FDFT1: variants seen among roughly 807,000 people sequenced by gnomAD.
FDFT1 encodes the protein squalene synthase.
FDFT1 carries 68 observed loss-of-function variants against 46.8 expected under a neutral mutation model. The observed-to-expected ratio is 1.45, with a 90% CI of 1.19 to 1.78. The LOEUF is 1.78. Ranked by LOEUF, FDFT1 falls within the 40% of genes most tolerant of loss-of-function variation. The pLI, the probability that FDFT1 is intolerant of heterozygous loss-of-function variation, is 0.00. For synonymous variants in FDFT1, 351 were observed against 185.1 expected (o/e 1.90, Z -7.28); for missense variants, 928 against 524.4 (o/e 1.77, Z -7.52).
At chr8:11,809,310 A>T in intron 2 of FDFT1, 1 of 1,093,396 alleles carries the variant, frequency 9.1e-7, no homozygotes, top group Non-Finnish European at 1.1e-6. Flanking sequence ...TCGTATTTAT[A>T]CTGAGAAGTT....
At chr8:11,809,031 C>T (rs1228006707) in intron 2 of FDFT1, 140 bp downstream of exon 2, 5 of 1,377,628 alleles carry the variant, frequency 3.6e-6, no homozygotes, top group African/African-American at 2.9e-5. Flanking sequence ...CCCGGCCCTA[C>T]GTGTTTACTT....
chr8:11,833,707 G>A (rs1217539686), intron 7 of FDFT1, among the ~76,000 whole-genome samples: 2 of 152,156 alleles, frequency 1.3e-5, no homozygotes, highest in African/African-American at 4.8e-5. Flanking sequence ...TGTCTTCTGT[G>A]GCTGCTTTTG....
rs943539994 is a variant in FDFT1, at chr8:11,796,110, T to A, written c.-94+99T>A. On this transcript the variant is annotated intron_variant, in intron 1 of 7. Transcript: ENST00000538689. Reference sequence around the variant, plus strand: ...AGATTTTCACAGTGGCTTTAGACATTTCATAAATATTTCTTAAATGCCTCC... The same window carrying A: ...AGATTTTCACAGTGGCTTTAGACATATCATAAATATTTCTTAAATGCCTCC... 2.0e-5 allele frequency: 3 copies of A among 152,034 alleles called. No homozygotes were observed. The South Asian group carries it at 6.2e-4, about 31-fold the overall frequency. 9.4% of individuals were successfully genotyped at this position (152,034 alleles called of 1,614,324 possible).
intron 4 of FDFT1, among the ~76,000 whole-genome samples, chr8:11,824,454 A>G (rs186132356): frequency 1.3e-5 from 2 of 152,230 alleles, no homozygotes; most frequent in Admixed American, 1.3e-4. Flanking sequence ...CCTGACACTT[A>G]AGTCATACTA....
chr8:11,833,561 G>T (rs1474091828), intron 7 of FDFT1, among the ~76,000 whole-genome samples: 3 of 152,090 alleles, frequency 2.0e-5, no homozygotes, highest in South Asian at 2.1e-4. Context: ...GATTTATTTG[G>T]TTTTTCCTTA....
At chr8:11,833,838 T>C (rs1473025834) in intron 7 of FDFT1, among the ~76,000 whole-genome samples, 4 of 152,264 alleles carry the variant, frequency 2.6e-5, no homozygotes, top group Non-Finnish European at 5.9e-5. Context: ...TGTTCTGTTA[T>C]CCCAGTAAAA....
chr8:11,805,925 A>T (rs886604278), intron 1 of FDFT1, among the ~76,000 whole-genome samples: 7 of 152,212 alleles, frequency 4.6e-5, no homozygotes, highest in African/African-American at 1.7e-4. Context: ...ATCACAGGTG[A>T]TGTCCGCATT....
intron 3 of FDFT1, among the ~76,000 whole-genome samples, chr8:11,813,923 G>A (rs934977410): frequency 6.6e-6 from 1 of 152,172 alleles, no homozygotes; most frequent in Non-Finnish European, 1.5e-5. Context: ...TGGGTTTCTG[G>A]GGAAAACGTG....
At chr8:11,821,941 G>A in intron 4 of FDFT1, 63 bp downstream of exon 4, 1 of 1,575,964 alleles carries the variant, frequency 6.3e-7, no homozygotes, top group South Asian at 1.1e-5. Context: ...TCCTCATAGT[G>A]AAGCTCAGAA....
At chr8:11,822,444 C>G (rs1247989883) in intron 4 of FDFT1, among the ~76,000 whole-genome samples, 1 of 152,180 alleles carries the variant, frequency 6.6e-6, no homozygotes, top group Non-Finnish European at 1.5e-5. Context: ...AACTTGACAG[C>G]AGTTATCTTT....
At chr8:11,801,220 A>C (rs1302526886), upstream of FDFT1, among the ~76,000 whole-genome samples, 1 of 152,152 alleles carries the variant, frequency 6.6e-6, no homozygotes, top group Non-Finnish European at 1.5e-5. Context: ...CCAGAGAGGT[A>C]ATCTGGGTGG....
rs374031686 is a variant in FDFT1 at position 11,809,735 on chromosome 8, G to C, written c.266G>C (p.Ser89Thr). The change falls in exon 3 of 8, where the codon AGT becomes ACT. Residue 89 changes from serine (S) to threonine (T), a missense_variant. Transcript: ENST00000220584. Reference protein sequence around the residue: ...LDTLEDDMTISVEKKVPLLHN... With the variant: ...LDTLEDDMTITVEKKVPLLHN... ...ACACTGGAAGATGACATGACCATCA[G>C]TGTGGAAAAGAAGGTCCCGCTGTTA... 9.9e-6 allele frequency: 16 copies of C among 1,614,024 alleles called. No homozygotes were observed. In the East Asian group the frequency reaches 1.6e-4, roughly 16 times the overall value.
chr8:11,809,615 A>G, intron 2 of FDFT1, 52 bp from the exon 3 acceptor site: 1 of 1,510,026 alleles, frequency 6.6e-7, no homozygotes, highest in Non-Finnish European at 8.9e-7. Context: ...TTTAAAATAA[A>G]AAATCTTTGG....
intron 1 of FDFT1, chr8:11,803,236 C>A: frequency 1.4e-6 from 2 of 1,381,576 alleles, no homozygotes; most frequent in Non-Finnish European, 1.9e-6. Context: ...GTATTTTAAC[C>A]CGAGGGTTAC....
intron 1 of FDFT1, among the ~76,000 whole-genome samples, chr8:11,806,758 C>A (rs1490695575): frequency 1.3e-5 from 2 of 152,088 alleles, no homozygotes; most frequent in African/African-American, 2.4e-5. Context: ...CTGTTTCTTT[C>A]ACTCTGAAAT....
At chr8:11,813,892 A>G (rs139807382) in intron 3 of FDFT1, among the ~76,000 whole-genome samples, 1 of 148,270 alleles carries the variant, frequency 6.7e-6, no homozygotes, top group East Asian at 1.9e-4. Flanking sequence ...GTGCGGAGTC[A>G]GGAAAGCCCT....
At chr8:11,826,939 A>G (rs957132483) in intron 5 of FDFT1, among the ~76,000 whole-genome samples, 1 of 152,212 alleles carries the variant, frequency 6.6e-6, no homozygotes, top group Non-Finnish European at 1.5e-5. Flanking sequence ...ATTTCCCCCA[A>G]AGAAAGAATT....
upstream of FDFT1, among the ~76,000 whole-genome samples, chr8:11,798,821 G>T (rs2130627512): frequency 6.6e-6 from 1 of 152,328 alleles, no homozygotes; most frequent in Middle Eastern, 3.4e-3. Context: ...CAAAACAAAG[G>T]TGTGTCGTCA....
In FDFT1 at chr8:11,803,553, C is replaced by T. The variant is rs189550932; in HGVS notation, c.99+622C>T. 1.5e-3 allele frequency: 1,603 copies of T among 1,072,918 alleles called. 5 individuals are homozygous for T. Among genetic ancestry groups the T allele is most frequent in the Non-Finnish European group, 1.6e-3 (1,339 of 834,916 alleles). The allele number at this position is 1,072,918 out of a possible 1,614,324, so 66.5% of individuals were successfully genotyped here. A position where few individuals can be genotyped will look rare whatever the true frequency, so the allele number is the denominator to read the frequency against. On this transcript the variant is annotated intron_variant, in intron 1 of 7. Coordinates refer to ENST00000220584, the MANE Select transcript of FDFT1 (RefSeq NM_004462.5). ...TGGTTTTACTTAGATTTTTATCTGC[C>T]TCATGCCTGTACTATTTGTTTAATG...
Sources: allele counts gnomAD v4.1 joint callset (sites outside exome capture counted in the v4.1 genomes callset), GRCh38; gene constraint gnomAD v4.1.1; transcripts MANE v1.5; gene names NCBI Gene and HGNC (gene_info 2026-07-23, HGNC 2026-07-21).